Variants in PAFAH1B1 observed in about 807,000 individuals in gnomAD.
The protein encoded by PAFAH1B1 is platelet activating factor acetylhydrolase 1b regulatory subunit 1, also known as platelet-activating factor acetylhydrolase IB subunit beta.
In PAFAH1B1, 2 loss-of-function variants were observed where a neutral mutation model predicts 57.5. The ratio of observed to expected loss-of-function variants is 0.03; its 90% CI spans 0.01 to 0.11. The LOEUF is 0.11. Among genes scored for constraint, PAFAH1B1 ranks in the 10% least tolerant of loss-of-function variants. The pLI is 1.00. For missense variants in PAFAH1B1, 257 were observed against 512.0 expected (o/e 0.50, Z 4.81); for synonymous variants, 152 against 169.6 (o/e 0.90, Z 0.81).
chr17:2,648,229 A>G (rs2068795200), intron 2 of PAFAH1B1, among the ~76,000 whole-genome samples: 1 of 152,058 alleles, frequency 6.6e-6, no homozygotes, highest in Admixed American at 6.6e-5. Context: ...GCATGGGGGA[A>G]CCACCACCAT....
At chr17:2,618,239 ACT>A (rs529779248) in intron 1 of PAFAH1B1, among the ~76,000 whole-genome samples, 117 of 152,242 alleles carry the variant, frequency 7.7e-4, no homozygotes, top group Non-Finnish European at 7.1e-4. Context: ...ACAGAGCAAG[ACT>A]CTGTCTCAAA....
chr17:2,673,638 C>CA (rs766887134), intron 7 of PAFAH1B1: 7,278 of 149,650 alleles, frequency 0.049, 10 homozygotes, highest in South Asian at 0.12. Context: ...GACTCCGTCT[C>CA]AAAAAAAAAA....
At position 2,615,106 on chromosome 17, in the gene PAFAH1B1, TA is replaced by T. The variant is rs2068321580; in HGVS notation, c.-191+21101del. ...ACTGAACATGCAGTTTTCCTGTCAT[TA>T]TTCCCTGAACAATACAATATAACAA... On this transcript the variant is annotated intron_variant, in intron 1 of 10. Transcript: ENST00000397195. Among the ~76,000 whole-genome samples, 3 of 152,352 alleles carry T rather than the reference TA, an allele frequency of 2.0e-5. No homozygotes were observed. The South Asian group carries it at 6.2e-4, about 32-fold the overall frequency.
At chr17:2,627,473 C>T (rs758170129) in intron 1 of PAFAH1B1, among the ~76,000 whole-genome samples, 8 of 152,102 alleles carry the variant, frequency 5.3e-5, no homozygotes, top group South Asian at 2.1e-4. Context: ...ACCAGTGCCA[C>T]GCTGTTTTGG....
intron 2 of PAFAH1B1, among the ~76,000 whole-genome samples, chr17:2,661,194 T>C (rs1321721951): frequency 6.6e-6 from 1 of 152,250 alleles, no homozygotes; most frequent in Non-Finnish European, 1.5e-5. Context: ...TTGTCAATTT[T>C]AGCTTTTGAT....
intron 1 of PAFAH1B1, among the ~76,000 whole-genome samples, chr17:2,617,457 T>C (rs2068359716): frequency 6.6e-6 from 1 of 152,192 alleles, no homozygotes; most frequent in Non-Finnish European, 1.5e-5. Context: ...TTTTACAACT[T>C]TTTCAGTGAA....
At chr17:2,667,424 G>A (rs1567555604) in intron 5 of PAFAH1B1, 3 of 469,804 alleles carry the variant, frequency 6.4e-6, no homozygotes, top group Admixed American at 6.9e-5. Context: ...ACTCTGAAAC[G>A]TGTGATTTGG....
intron 1 of PAFAH1B1, among the ~76,000 whole-genome samples, chr17:2,610,033 C>T (rs1597514159): frequency 6.6e-6 from 1 of 152,202 alleles, no homozygotes; most frequent in African/African-American, 2.4e-5. Flanking sequence ...CCATGTTGGC[C>T]ATCTGGTCTT....
intron 2 of PAFAH1B1, among the ~76,000 whole-genome samples, chr17:2,648,227 G>A (rs1301435946): frequency 6.6e-6 from 1 of 152,036 alleles, no homozygotes; most frequent in Non-Finnish European, 1.5e-5. Context: ...CAGCATGGGG[G>A]AACCACCACC....
chr17:2,621,613 T>G (rs781406660), intron 1 of PAFAH1B1, among the ~76,000 whole-genome samples: 3 of 28,668 alleles, frequency 1.0e-4, no homozygotes, highest in African/African-American at 4.1e-4. Context: ...CTGTCTTTTT[T>G]TTTTTTTTTT....
chr17:2,651,477 T>C lies in PAFAH1B1; in HGVS notation c.32+13157T>C, dbSNP rs1392814573. 2.0e-5 allele frequency among the ~76,000 whole-genome samples: 3 copies of C among 150,480 alleles called. No individual in the cohort carries two copies. In the East Asian group the frequency reaches 5.8e-4, roughly 29 times the overall value. Reference sequence around the variant, plus strand: ...TGCCTGCCTGAAATCCCAGCTACTTTGGGAGGCTGAGGCAGGAGAACCTCT... The same window carrying C: ...TGCCTGCCTGAAATCCCAGCTACTTCGGGAGGCTGAGGCAGGAGAACCTCT... On this transcript the variant is annotated intron_variant, in intron 2 of 10. Coordinates refer to ENST00000397195, the MANE Select transcript of PAFAH1B1 (RefSeq NM_000430.4).
At chr17:2,602,124 C>G (rs1336029106) in intron 1 of PAFAH1B1, among the ~76,000 whole-genome samples, 2 of 151,816 alleles carry the variant, frequency 1.3e-5, no homozygotes, top group Non-Finnish European at 2.9e-5. Context: ...TCACAAATCC[C>G]AACGTAAAGA....
At chr17:2,613,166 G>GTTTTTT (rs2068287721) in intron 1 of PAFAH1B1, 1 of 126,160 alleles carries the variant, frequency 7.9e-6, no homozygotes, top group Non-Finnish European at 1.7e-5. Flanking sequence ...TTTTGTTTTT[G>GTTTTTT]TTTGCATCCA....
intron 1 of PAFAH1B1, among the ~76,000 whole-genome samples, chr17:2,610,471 T>A (rs1474446847): frequency 1.3e-5 from 2 of 152,124 alleles, no homozygotes; most frequent in Non-Finnish European, 2.9e-5. Flanking sequence ...GTCCTTAAGA[T>A]ACAAAATAAC....
At chr17:2,680,049 T>C in intron 9 of PAFAH1B1, 115 bp from the exon 10 acceptor site, 1 of 963,590 alleles carries the variant, frequency 1.0e-6, no homozygotes, top group Non-Finnish European at 1.7e-6. Flanking sequence ...CCTAGACTTT[T>C]ATTTTCTTCT....
intron 2 of PAFAH1B1, among the ~76,000 whole-genome samples, chr17:2,661,672 A>T (rs1046449577): frequency 6.6e-6 from 1 of 152,196 alleles, no homozygotes; most frequent in Non-Finnish European, 1.5e-5. Flanking sequence ...TGGGTCTAGT[A>T]AGAAAACATC....
chr17:2,683,713 C>T lies in PAFAH1B1; in HGVS notation c.*1911C>T, dbSNP rs1163730870. ...AGGTGAATTTTCAGGACAATATTGC[C>T]TCACAACCCTGCTTACATTGAAAAG... is the stretch of plus-strand genomic sequence containing the variant. On this transcript the variant is annotated 3_prime_UTR_variant, in exon 11 of 11. Transcript: ENST00000397195. 1 of 152,592 alleles carries T rather than the reference C, an allele frequency of 6.6e-6. No homozygotes were observed. The highest frequency in any genetic ancestry group is 1.5e-5 in the Non-Finnish European group (1 of 68,040). The allele number at this position is 152,592 out of a possible 1,614,324, so 9.5% of individuals were successfully genotyped here.
chr17:2,606,864 G>C (rs1384186720), intron 1 of PAFAH1B1, among the ~76,000 whole-genome samples: 3 of 138,336 alleles, frequency 2.2e-5, no homozygotes, highest in Non-Finnish European at 4.6e-5. Flanking sequence ...CTGTCGCCCA[G>C]GCTGGGCTGG....
chr17:2,635,784 GT>G (rs1331020186), intron 1 of PAFAH1B1, among the ~76,000 whole-genome samples: 1 of 151,748 alleles, frequency 6.6e-6, no homozygotes, highest in Non-Finnish European at 1.5e-5. Context: ...AAAGCAGGGA[GT>G]TTTGCCCTAC....
Sources: gnomAD v4.1 joint callset for allele counts (sites outside exome capture counted in the v4.1 genomes callset) on GRCh38, gnomAD v4.1.1 for gene constraint, MANE v1.5 for transcripts, NCBI Gene and HGNC (gene_info 2026-07-23, HGNC 2026-07-21) for gene names.